Variants in CPNE4 observed in about 807,000 individuals in gnomAD.
The protein encoded by CPNE4 is copine-4.
Under a neutral mutation model 67.9 loss-of-function variants are expected in CPNE4, and 25 were observed. That is an observed-to-expected ratio of 0.37 (90% confidence interval 0.27 to 0.51). The LOEUF (loss-of-function observed/expected upper bound fraction) is 0.51, where lower values mean the gene tolerates loss of function less well. Ranked by LOEUF, CPNE4 falls within the 20% of genes least tolerant of loss-of-function variation. CPNE4 has a pLI of 0.93. For missense variants in CPNE4, 464 were observed against 690.8 expected (o/e 0.67, Z 3.68); for synonymous variants, 242 against 244.9 (o/e 0.99, Z 0.11).
At chr3:131,721,910 A>G (rs867834540) in intron 3 of CPNE4, among the ~76,000 whole-genome samples, 1 of 152,248 alleles carries the variant, frequency 6.6e-6, no homozygotes, top group Non-Finnish European at 1.5e-5. Flanking sequence ...CCTTTGAACT[A>G]TCTGCCATCA....
chr3:131,916,848 G>A (rs1008434402), intron 1 of CPNE4, among the ~76,000 whole-genome samples: 1 of 152,142 alleles, frequency 6.6e-6, no homozygotes, highest in African/African-American at 2.4e-5. Flanking sequence ...TGGACATACT[G>A]AACTACTGTT....
At chr3:131,742,155 A>T (rs552634544) in intron 2 of CPNE4, among the ~76,000 whole-genome samples, 1 of 152,332 alleles carries the variant, frequency 6.6e-6, no homozygotes, top group East Asian at 1.9e-4. Context: ...TGAGAGTAAC[A>T]TTTGAATCTG....
At chr3:131,555,615 G>A in intron 11 of CPNE4, 64 bp from the exon 12 acceptor site, 2 of 1,411,846 alleles carry the variant, frequency 1.4e-6, no homozygotes, top group South Asian at 2.4e-5. Context: ...TAATGAGAAA[G>A]AAAAACATTA....
intron 11 of CPNE4, 70 bp downstream of exon 11, chr3:131,564,146 A>G (rs1936934732): frequency 1.3e-6 from 2 of 1,583,522 alleles, no homozygotes; most frequent in South Asian, 1.1e-5. Flanking sequence ...CTTTCTGCCC[A>G]GGATCAGCCA....
intron 1 of CPNE4, among the ~76,000 whole-genome samples, chr3:132,005,943 G>A (rs780856219): frequency 3.9e-5 from 6 of 152,092 alleles, no homozygotes; most frequent in Non-Finnish European, 7.4e-5. Context: ...TTTAACAGCC[G>A]TATGACCCTG....
intron 14 of CPNE4, among the ~76,000 whole-genome samples, chr3:131,546,703 A>T (rs1053026455): frequency 6.6e-6 from 1 of 152,152 alleles, no homozygotes; most frequent in East Asian, 1.9e-4. Flanking sequence ...ATGCTGTTCT[A>T]TATCAGCCTG....
In CPNE4 at chr3:131,546,752, A is replaced by T. The variant is rs180862712; in HGVS notation, c.1302+3195T>A. The stretch of plus-strand genomic sequence containing the variant: ...TGTTAGTTCTGTTCTCTTTTTAGCC[A>T]TGTGAGTCCTGGTACCCCAGAGGGG... On this transcript the variant is annotated intron_variant, in intron 14 of 15. Transcript: ENST00000429747. Among the ~76,000 whole-genome samples, 893 of 152,266 alleles carry T rather than the reference A, an allele frequency of 5.9e-3. 4 individuals carry two copies. Among genetic ancestry groups the T allele is most frequent in the Middle Eastern group, 0.017 (5 of 294 alleles).
intron 2 of CPNE4, among the ~76,000 whole-genome samples, chr3:131,767,260 C>CATGT (rs113968302): frequency 1.3e-5 from 2 of 150,242 alleles, no homozygotes; most frequent in Non-Finnish European, 3.0e-5. Context: ...TAAGTGTGAG[C>CATGT]GTGTGTGTGT....
chr3:131,780,103 G>T (rs1241392634), intron 2 of CPNE4, among the ~76,000 whole-genome samples: 1 of 151,926 alleles, frequency 6.6e-6, no homozygotes, highest in Non-Finnish European at 1.5e-5. Flanking sequence ...TAATCATTAG[G>T]GGAATGCAAA....
At chr3:132,027,675 T>C (rs933971299) in intron 1 of CPNE4, among the ~76,000 whole-genome samples, 6 of 136,386 alleles carry the variant, frequency 4.4e-5, no homozygotes, top group Admixed American at 7.1e-5. Flanking sequence ...ATTAGCACAA[T>C]GTCAGGTGCA....
At chr3:131,607,845 C>T (rs1939594082) in intron 7 of CPNE4, among the ~76,000 whole-genome samples, 1 of 152,116 alleles carries the variant, frequency 6.6e-6, no homozygotes, top group Non-Finnish European at 1.5e-5. Flanking sequence ...TGTGCAATGC[C>T]TATTACTAGG....
rs1423935790 is a variant in CPNE4 at position 131,552,425 on chromosome 3, C to T, written c.1168+15G>A. 15 of 1,610,850 alleles carry T rather than the reference C, an allele frequency of 9.3e-6. No homozygotes were observed. In the African/African-American group the frequency reaches 1.9e-4, roughly 20 times the overall value. ...AAGGACTGTGACACTGGCTTTCTTT[C>T]ACGTTGTGCTTTACCTGCACATTCT... On this transcript the variant is annotated intron_variant, in intron 13 of 15. Transcript: ENST00000429747.
chr3:131,799,193 G>A (rs1171342733), intron 2 of CPNE4, among the ~76,000 whole-genome samples: 1 of 152,080 alleles, frequency 6.6e-6, no homozygotes, highest in Non-Finnish European at 1.5e-5. Context: ...ATCGAGTTAG[G>A]AAAGACACAA....
rs145140434 is a variant in CPNE4, at chr3:131,598,141, T to C, written c.682-10559A>G. Among the ~76,000 whole-genome samples, 15 of 152,318 alleles carry C rather than the reference T, an allele frequency of 9.8e-5. No homozygotes were observed. In the South Asian group the frequency reaches 1.7e-3, roughly 17 times the overall value. On this transcript the variant is annotated intron_variant, in intron 7 of 15. Transcript: ENST00000429747. ...ATTCTAGAAACAGCTTTAGGGATTGTAGAGGTTGCTGGGAGCTGGACAGCA... is the reference window on the plus strand; with the variant it reads ...ATTCTAGAAACAGCTTTAGGGATTGCAGAGGTTGCTGGGAGCTGGACAGCA...
intron 3 of CPNE4, among the ~76,000 whole-genome samples, chr3:131,720,863 G>T (rs565781351): frequency 6.6e-6 from 1 of 152,250 alleles, no homozygotes; most frequent in African/African-American, 2.4e-5. Flanking sequence ...ACCAAATGAA[G>T]ATGCTCTGCA....
intron 3 of CPNE4, among the ~76,000 whole-genome samples, chr3:131,703,220 G>A (rs1031332120): frequency 2.6e-5 from 4 of 152,096 alleles, no homozygotes; most frequent in African/African-American, 9.7e-5. Flanking sequence ...AGAGTCACAA[G>A]GACTCTCACC....
chr3:131,777,962 G>A (rs73220496), intron 2 of CPNE4, among the ~76,000 whole-genome samples: 2,826 of 152,204 alleles, frequency 0.019, 38 homozygotes, highest in Non-Finnish European at 0.029. Flanking sequence ...CACTGATTCT[G>A]TATGATTCTG....
chr3:132,005,870 C>A (rs2073588850), intron 1 of CPNE4, among the ~76,000 whole-genome samples: 1 of 151,998 alleles, frequency 6.6e-6, no homozygotes, highest in Non-Finnish European at 1.5e-5. Context: ...ACAGTCCTTG[C>A]CTCCTGGAAG....
At chr3:131,988,022 A>G (rs769924297) in intron 1 of CPNE4, among the ~76,000 whole-genome samples, 2 of 152,212 alleles carry the variant, frequency 1.3e-5, no homozygotes, top group South Asian at 2.1e-4. Context: ...ACATTTATTC[A>G]TTAATTACAA....
Sources: gnomAD v4.1 joint callset for allele counts (sites outside exome capture counted in the v4.1 genomes callset) on GRCh38, gnomAD v4.1.1 for gene constraint, MANE v1.5 for transcripts, NCBI Gene and HGNC (gene_info 2026-07-23, HGNC 2026-07-21) for gene names.